CACNB2: variants seen among roughly 807,000 people sequenced by gnomAD.
CACNB2 encodes calcium voltage-gated channel auxiliary subunit beta 2.
A neutral mutation model predicts 73.3 loss-of-function variants in CACNB2; 42 were observed. The observed-to-expected ratio is 0.57, with a 90% CI of 0.45 to 0.74. CACNB2 has a LOEUF of 0.74. Among genes scored for constraint, CACNB2 ranks in the 30% least tolerant of loss-of-function variants. The pLI, the probability that CACNB2 is intolerant of heterozygous loss-of-function variation, is 0.00. For missense variants in CACNB2, 940 were observed against 853.0 expected, an observed-to-expected ratio of 1.10 and a Z score of -1.27; for synonymous variants, 348 against 310.3, an observed-to-expected ratio of 1.12 and a Z score of -1.28.
At chr10:18,390,337 C>T (rs187150804) in intron 2 of CACNB2, among the ~76,000 whole-genome samples, 60 of 152,320 alleles carry the variant, frequency 3.9e-4, no homozygotes, top group African/African-American at 1.3e-3. Flanking sequence ...CTCAGCCTCC[C>T]GAGTACCTGG....
chr10:18,526,121 G>A (rs2133218897), intron 9 of CACNB2, among the ~76,000 whole-genome samples: 1 of 152,280 alleles, frequency 6.6e-6, no homozygotes, highest in African/African-American at 2.4e-5. Flanking sequence ...TCAACTTTGT[G>A]TTTCTGTGTA....
chr10:18,281,979 CAAAAA>C lies in CACNB2; in HGVS notation c.214-119926_214-119922del, dbSNP rs10542258. On this transcript the variant is annotated intron_variant, in intron 2 of 13. Coordinates refer to ENST00000324631, the MANE Select transcript of CACNB2 (RefSeq NM_201596.3). The stretch of plus-strand genomic sequence containing the variant: ...TGGGTGACAGAGTGAGACTCCATCT[CAAAAA>C]AAAAAAAAAAAAAAAAAAGGGGGAA... Among the ~76,000 whole-genome samples, 285 of 69,950 alleles carry C rather than the reference CAAAAA, an allele frequency of 4.1e-3. 1 individual carries two copies. The highest frequency in any genetic ancestry group is 0.017 in the African/African-American group (273 of 16,520). 45.9% of individuals were successfully genotyped at this position (69,950 alleles called of 152,430 possible). A position where few individuals can be genotyped will look rare whatever the true frequency, so the allele number is the denominator to read the frequency against.
chr10:18,328,148 A>G (rs899234538), intron 2 of CACNB2, among the ~76,000 whole-genome samples: 5 of 152,212 alleles, frequency 3.3e-5, no homozygotes, highest in Non-Finnish European at 7.3e-5. Context: ...AGCTGCCAGA[A>G]TTCAAGGGTC....
At chr10:18,339,666 G>A (rs2041155219) in intron 2 of CACNB2, among the ~76,000 whole-genome samples, 1 of 152,156 alleles carries the variant, frequency 6.6e-6, no homozygotes, top group Non-Finnish European at 1.5e-5. Flanking sequence ...TGCAATGACT[G>A]CTCTTGTAAA....
At chr10:18,513,101 C>CTTTTTTTTTTTTTTTTT (rs71402179) in intron 6 of CACNB2, 1 of 114,380 alleles carries the variant, frequency 8.7e-6, no homozygotes, top group Non-Finnish European at 1.7e-5. Context: ...TGACCATAAC[C>CTTTTTTTTTTTTTTTTT]TTTTTTTTTT....
chr10:18,228,461 A>G (rs2036100880), intron 2 of CACNB2, among the ~76,000 whole-genome samples: 1 of 150,226 alleles, frequency 6.7e-6, no homozygotes, highest in African/African-American at 2.4e-5. Flanking sequence ...AAAAAAAAAA[A>G]GAAAAGAAAA....
At chr10:18,361,438 G>T (rs2042133508) in intron 2 of CACNB2, among the ~76,000 whole-genome samples, 1 of 149,830 alleles carries the variant, frequency 6.7e-6, no homozygotes, top group Admixed American at 6.7e-5. Flanking sequence ...GGTGGAGGTT[G>T]CAGTGAGCCA....
intron 2 of CACNB2, among the ~76,000 whole-genome samples, chr10:18,368,758 A>T (rs1234660716): frequency 6.6e-6 from 1 of 152,162 alleles, no homozygotes; most frequent in Non-Finnish European, 1.5e-5. Flanking sequence ...GTTATATATG[A>T]TTATGCACAA....
At chr10:18,174,253 C>T (rs2033436117) in intron 2 of CACNB2, among the ~76,000 whole-genome samples, 1 of 105,324 alleles carries the variant, frequency 9.5e-6, no homozygotes, top group Non-Finnish European at 1.8e-5. Flanking sequence ...CCCTCCCCTT[C>T]CCTTCCCTCC....
intron 2 of CACNB2, among the ~76,000 whole-genome samples, chr10:18,285,691 A>T (rs1036832325): frequency 1.3e-4 from 20 of 152,232 alleles, no homozygotes; most frequent in African/African-American, 4.8e-4. Context: ...TACAAAATGT[A>T]ATTTATGTCT....
At chr10:18,375,098 G>A (rs912549756) in intron 2 of CACNB2, among the ~76,000 whole-genome samples, 1 of 152,080 alleles carries the variant, frequency 6.6e-6, no homozygotes, top group Non-Finnish European at 1.5e-5. Flanking sequence ...CACACCTGTG[G>A]TCCCAGCTAC....
At chr10:18,350,562 G>C (rs773116134) in intron 2 of CACNB2, among the ~76,000 whole-genome samples, 16 of 152,154 alleles carry the variant, frequency 1.1e-4, no homozygotes, top group Non-Finnish European at 1.6e-4. Context: ...AGCGCTTTAG[G>C]TTCCCTTAAT....
At chr10:18,359,895 G>A (rs151267972) in intron 2 of CACNB2, among the ~76,000 whole-genome samples, 2 of 152,168 alleles carry the variant, frequency 1.3e-5, no homozygotes, top group African/African-American at 2.4e-5. Context: ...TATTGCTGTC[G>A]TGAGTGGTAC....
chr10:18,534,069 T>C lies in CACNB2; in HGVS notation c.1055-7T>C, dbSNP rs201997903. ...GCACTTTAACTGAATTGTTTCGCCCTTTACAGCGGAAGTTCAGAGTGAAAT... is the reference window on the plus strand; with the variant it reads ...GCACTTTAACTGAATTGTTTCGCCCCTTACAGCGGAAGTTCAGAGTGAAAT... On this transcript the variant is annotated splice_polypyrimidine_tract_variant and splice_region_variant and intron_variant, in intron 10 of 13. Coordinates refer to ENST00000324631, the MANE Select transcript of CACNB2 (RefSeq NM_201596.3). 3 of 1,614,024 alleles carry C rather than the reference T, an allele frequency of 1.9e-6. No individual in the cohort carries two copies. Among genetic ancestry groups the C allele is most frequent in the Non-Finnish European group, 2.5e-6 (3 of 1,179,900 alleles).
chr10:18,281,151 C>G (rs763531685), intron 2 of CACNB2, among the ~76,000 whole-genome samples: 3 of 152,072 alleles, frequency 2.0e-5, no homozygotes, highest in Non-Finnish European at 2.9e-5. Flanking sequence ...TAGACATGTT[C>G]AAACAAGATA....
intron 2 of CACNB2, among the ~76,000 whole-genome samples, chr10:18,220,459 A>G (rs555757115): frequency 6.7e-6 from 1 of 148,578 alleles, no homozygotes; most frequent in Non-Finnish European, 1.5e-5. Flanking sequence ...ACAGGGTTTC[A>G]CCATGTTGGC....
At chr10:18,244,405 A>G (rs1443303076) in intron 2 of CACNB2, among the ~76,000 whole-genome samples, 1 of 152,230 alleles carries the variant, frequency 6.6e-6, no homozygotes, top group Non-Finnish European at 1.5e-5. Context: ...GTCAGTGATT[A>G]TGGGGATCCC....
chr10:18,467,694 T>C (rs2047969248), intron 3 of CACNB2, among the ~76,000 whole-genome samples: 1 of 152,218 alleles, frequency 6.6e-6, no homozygotes. Flanking sequence ...CCAATTTATT[T>C]GTCCCCTCAA....
At chr10:18,521,871 T>C (rs1404149059) in intron 9 of CACNB2, among the ~76,000 whole-genome samples, 1 of 152,148 alleles carries the variant, frequency 6.6e-6, no homozygotes, top group Non-Finnish European at 1.5e-5. Flanking sequence ...ATCCTAACAA[T>C]GCAACTACAA....
Sources: allele counts gnomAD v4.1 joint callset (sites outside exome capture counted in the v4.1 genomes callset), GRCh38; gene constraint gnomAD v4.1.1; transcripts MANE v1.5; gene names NCBI Gene and HGNC (gene_info 2026-07-23, HGNC 2026-07-21).